The following KCNT2 variants were observed in gnomAD, a reference collection of about 807,000 sequenced individuals.
KCNT2 encodes potassium sodium-activated channel subfamily T member 2.
KCNT2 carries 67 observed loss-of-function variants against 153.8 expected under a neutral mutation model. The observed-to-expected ratio is 0.44, with a 90% confidence interval of 0.36 to 0.53. The LOEUF (loss-of-function observed/expected upper bound fraction) is 0.53. KCNT2 is among the 20% of genes least tolerant of loss of function. The probability of loss-of-function intolerance (pLI) is 0.00; values close to 1 mark genes in which losing one functional copy is unlikely to be tolerated. For synonymous variants in KCNT2, 500 were observed against 458.8 expected, an observed-to-expected ratio of 1.09 and a Z score of -1.15; for missense variants, 975 against 1,354.8, an observed-to-expected ratio of 0.72 and a Z score of 4.40.
intron 8 of KCNT2, among the ~76,000 whole-genome samples, chr1:196,434,186 A>G (rs891405993): frequency 2.0e-5 from 3 of 152,020 alleles, no homozygotes; most frequent in African/African-American, 7.2e-5. Context: ...GAATTGTATA[A>G]CACTTCTGTG....
At chr1:196,331,552 C>G (rs1664464899) in intron 17 of KCNT2, among the ~76,000 whole-genome samples, 1 of 151,948 alleles carries the variant, frequency 6.6e-6, no homozygotes. Flanking sequence ...ATTTCAGTAT[C>G]TATAAATAAA....
At chr1:196,481,643 G>A (rs4297234) in intron 4 of KCNT2, among the ~76,000 whole-genome samples, 1 of 152,118 alleles carries the variant, frequency 6.6e-6, no homozygotes, top group Admixed American at 6.6e-5. Flanking sequence ...AGGATCTGTA[G>A]GAAGTAAACA....
chr1:196,394,706 A>G (rs188792618), intron 13 of KCNT2, among the ~76,000 whole-genome samples: 9 of 151,310 alleles, frequency 5.9e-5, no homozygotes, highest in Non-Finnish European at 1.3e-4. Context: ...AGAAAAAAAA[A>G]CTCTTTTTAA....
Position 196,506,452 on chromosome 1 carries a change from T to C in KCNT2, c.96-14111A>G, listed in dbSNP as rs117005571. On this transcript the variant is annotated intron_variant, in intron 1 of 27. Transcript: ENST00000294725. ...CATTTACTTGGGAAAAATAAGCATA[T>C]AATACAATAAAGAACTTCCTTATTT... 3.3e-3 allele frequency among the ~76,000 whole-genome samples: 508 copies of C among 152,260 alleles called. 13 individuals carry two copies. Among genetic ancestry groups the C allele is most frequent in the East Asian group, 0.022 (116 of 5,178 alleles).
chr1:196,593,369 T>A (rs1022665779), intron 1 of KCNT2, among the ~76,000 whole-genome samples: 3 of 150,480 alleles, frequency 2.0e-5, no homozygotes. Context: ...TGTATTTTTT[T>A]ATTTTTTTCT....
intron 21 of KCNT2, among the ~76,000 whole-genome samples, chr1:196,306,367 AT>A (rs2147983363): frequency 6.6e-6 from 1 of 152,184 alleles, no homozygotes; most frequent in African/African-American, 2.4e-5. Context: ...CAATTTATGA[AT>A]TTATGAATTT....
At chr1:196,446,265 T>C (rs1290234751) in intron 8 of KCNT2, among the ~76,000 whole-genome samples, 1 of 151,470 alleles carries the variant, frequency 6.6e-6, no homozygotes, top group African/African-American at 2.4e-5. Context: ...AAATATACTA[T>C]TCTCTATACT....
chr1:196,491,183 G>T lies in KCNT2; in HGVS notation c.175+1079C>A, dbSNP rs142999453. Among the ~76,000 whole-genome samples, 62 of 152,072 alleles carry T rather than the reference G, an allele frequency of 4.1e-4. No homozygotes were observed. The East Asian group carries it at 0.011, about 28-fold the overall frequency. The stretch of plus-strand genomic sequence containing the variant: ...TTGGCCTGGAAAGATAGGACTGTTA[G>T]TACTGAAATAAGGGAAACTATTCAG... On this transcript the variant is annotated intron_variant, in intron 2 of 27. Coordinates refer to ENST00000294725, the MANE Select transcript of KCNT2 (RefSeq NM_198503.5).
At chr1:196,476,022 G>GTC (rs1678501827) in intron 5 of KCNT2, among the ~76,000 whole-genome samples, 1 of 152,156 alleles carries the variant, frequency 6.6e-6, no homozygotes, top group Non-Finnish European at 1.5e-5. Context: ...GATTATAAAT[G>GTC]TCATCATCAT....
intron 8 of KCNT2, among the ~76,000 whole-genome samples, chr1:196,452,871 A>G (rs1676345269): frequency 6.6e-6 from 1 of 151,830 alleles, no homozygotes. Flanking sequence ...TCAACTGATG[A>G]GGTCCACCCA....
In KCNT2 at chr1:196,256,264, A is replaced by G. The variant is rs890547954; in HGVS notation, c.3211+1930T>C. ...CACTGAGCCATTTTTTAAGCCTGGT[A>G]TATCCTTTTACTCCCCCCAAAAAAG... On this transcript the variant is annotated intron_variant, in intron 26 of 27. Transcript: ENST00000294725. 1.7e-4 allele frequency among the ~76,000 whole-genome samples: 26 copies of G among 152,098 alleles called. 1 individual carries two copies. The highest frequency in any genetic ancestry group is 1.4e-3 in the Admixed American group (21 of 15,242).
intron 22 of KCNT2, among the ~76,000 whole-genome samples, chr1:196,287,632 T>G (rs74133657): frequency 7.8e-4 from 118 of 152,172 alleles, no homozygotes; most frequent in Admixed American, 3.4e-3. Flanking sequence ...CAACGCTAAT[T>G]AAAATTAATT....
chr1:196,514,852 A>C (rs1681924993), intron 1 of KCNT2, among the ~76,000 whole-genome samples: 2 of 152,168 alleles, frequency 1.3e-5, no homozygotes, highest in Admixed American at 1.3e-4. Flanking sequence ...TCGCGAAACT[A>C]TTTGTACCTT....
intron 1 of KCNT2, among the ~76,000 whole-genome samples, chr1:196,586,471 A>G (rs1365422111): frequency 1.3e-5 from 2 of 152,120 alleles, no homozygotes; most frequent in Non-Finnish European, 2.9e-5. Context: ...ACACTAGTCA[A>G]TTGATAATCT....
At chr1:196,352,781 C>T (rs1053941412) in intron 14 of KCNT2, among the ~76,000 whole-genome samples, 39 of 151,976 alleles carry the variant, frequency 2.6e-4, no homozygotes, top group African/African-American at 9.2e-4. Flanking sequence ...TTTTCTAGTT[C>T]TTTTAATTGT....
intron 1 of KCNT2, 60 bp from the exon 2 acceptor site, chr1:196,492,401 G>T (rs1018495473): frequency 1.1e-4 from 126 of 1,136,256 alleles, no homozygotes; most frequent in Non-Finnish European, 1.4e-4. Flanking sequence ...TTATTTTCAT[G>T]AAGATCAACA....
chr1:196,579,832 T>C (rs918165620), intron 1 of KCNT2, among the ~76,000 whole-genome samples: 4 of 152,080 alleles, frequency 2.6e-5, no homozygotes, highest in Non-Finnish European at 1.5e-5. Context: ...AAGTACAGCA[T>C]CATGAAATAT....
At chr1:196,258,831 A>C (rs1023042843) in intron 25 of KCNT2, among the ~76,000 whole-genome samples, 1 of 152,112 alleles carries the variant, frequency 6.6e-6, no homozygotes, top group East Asian at 1.9e-4. Flanking sequence ...ACAAAACCAG[A>C]CATTTTACAA....
intron 3 of KCNT2, among the ~76,000 whole-genome samples, chr1:196,485,527 T>G (rs564291876): frequency 1.1e-4 from 17 of 152,086 alleles, no homozygotes; most frequent in Admixed American, 5.9e-4. Flanking sequence ...CTTTGGTCTG[T>G]GATATTGGTA....
Sources: allele counts gnomAD v4.1 joint callset (sites outside exome capture counted in the v4.1 genomes callset), GRCh38; gene constraint gnomAD v4.1.1; transcripts MANE v1.5; gene names NCBI Gene and HGNC (gene_info 2026-07-23, HGNC 2026-07-21).